The following GRIN2A variants were observed in gnomAD, a reference collection of about 807,000 sequenced individuals.
GRIN2A encodes the protein glutamate receptor ionotropic, NMDA 2A.
Under a neutral mutation model 113.4 loss-of-function variants are expected in GRIN2A, and 22 were observed. That is an observed-to-expected ratio of 0.19 (90% CI 0.14 to 0.28). The LOEUF (loss-of-function observed/expected upper bound fraction) is 0.28, where lower values mean the gene tolerates loss of function less well. Ranked by LOEUF, GRIN2A falls within the 10% of genes least tolerant of loss-of-function variation. The probability of loss-of-function intolerance (pLI) is 1.00; values close to 1 mark genes in which losing one functional copy is unlikely to be tolerated. For synonymous variants in GRIN2A, 827 were observed against 738.4 expected, an observed-to-expected ratio of 1.12 and a Z score of -1.94; for missense variants, 1,502 against 1,887.0, an observed-to-expected ratio of 0.80 and a Z score of 3.78.
intron 2 of GRIN2A, among the ~76,000 whole-genome samples, chr16:10,099,830 C>T (rs1272657416): frequency 3.3e-5 from 5 of 152,180 alleles, no homozygotes. Flanking sequence ...AACACCAGTA[C>T]TGAAACGTCT....
rs528592537 is a variant in GRIN2A at position 9,863,673 on chromosome 16, T to C, written c.1123-13712A>G. ...ACCAAGAGGAATGTCATTAATGCTC[T>C]AGCAGCTGATTGGACTTCTCCCTTG... On this transcript the variant is annotated intron_variant, in intron 4 of 12. Transcript: ENST00000330684. 3.9e-5 allele frequency among the ~76,000 whole-genome samples: 6 copies of C among 152,354 alleles called. 1 individual carries two copies. In the East Asian group the frequency reaches 7.7e-4, roughly 20 times the overall value.
intron 10 of GRIN2A, among the ~76,000 whole-genome samples, chr16:9,813,318 T>G (rs2042121878): frequency 6.6e-6 from 1 of 152,192 alleles, no homozygotes; most frequent in South Asian, 2.1e-4. Flanking sequence ...ATGAATTGTA[T>G]ATATGCGTTG....
At chr16:10,105,862 G>A (rs766324473) in intron 2 of GRIN2A, among the ~76,000 whole-genome samples, 1 of 152,206 alleles carries the variant, frequency 6.6e-6, no homozygotes. Context: ...AGCTAAGATC[G>A]TGCCACTGCA....
intron 4 of GRIN2A, among the ~76,000 whole-genome samples, chr16:9,881,747 G>A (rs1195495212): frequency 1.3e-5 from 2 of 152,154 alleles, no homozygotes; most frequent in Admixed American, 6.5e-5. Context: ...AGTGCTAGCC[G>A]TGGCCAGAAT....
chr16:9,872,095 C>CA (rs1411095059), intron 4 of GRIN2A, among the ~76,000 whole-genome samples: 2 of 152,108 alleles, frequency 1.3e-5, no homozygotes, highest in African/African-American at 4.8e-5. Context: ...TTCTGACTCA[C>CA]AAAAAGCATT....
intron 2 of GRIN2A, among the ~76,000 whole-genome samples, chr16:9,982,077 G>A (rs1376239289): frequency 2.0e-5 from 3 of 152,030 alleles, no homozygotes; most frequent in African/African-American, 2.4e-5. Context: ...TGTGAGCCCC[G>A]CAGCCAGTGT....
At chr16:9,901,926 G>A (rs2043935471) in intron 3 of GRIN2A, among the ~76,000 whole-genome samples, 2 of 152,160 alleles carry the variant, frequency 1.3e-5, no homozygotes, top group African/African-American at 2.4e-5. Context: ...AAGGATAAGG[G>A]ACTAAAATGT....
intron 2 of GRIN2A, among the ~76,000 whole-genome samples, chr16:10,073,675 C>G (rs921974416): frequency 2.0e-5 from 3 of 151,596 alleles, no homozygotes; most frequent in Non-Finnish European, 4.4e-5. Context: ...TTTTATTCAT[C>G]AAAGGGCACT....
intron 2 of GRIN2A, among the ~76,000 whole-genome samples, chr16:10,098,544 G>C (rs1416117356): frequency 6.6e-6 from 1 of 152,130 alleles, no homozygotes; most frequent in African/African-American, 2.4e-5. Context: ...CAAAAATATG[G>C]AATCAGCCCA....
At chr16:9,937,921 T>C in intron 3 of GRIN2A, 38 bp downstream of exon 3, 1 of 1,452,062 alleles carries the variant, frequency 6.9e-7, no homozygotes, top group Non-Finnish European at 9.7e-7. Context: ...ACAGCAAAAC[T>C]CTGATCCCAC....
At chr16:9,779,454 C>T (rs1321695096) in intron 11 of GRIN2A, among the ~76,000 whole-genome samples, 1 of 151,870 alleles carries the variant, frequency 6.6e-6, no homozygotes, top group East Asian at 1.9e-4. Flanking sequence ...GCTTAGTATA[C>T]ACAAGGAGCT....
At chr16:9,941,535 T>G (rs1418202450) in intron 2 of GRIN2A, among the ~76,000 whole-genome samples, 1 of 152,180 alleles carries the variant, frequency 6.6e-6, no homozygotes, top group Non-Finnish European at 1.5e-5. Context: ...CATGCCAAAC[T>G]TCAGCCCAAG....
At position 9,990,142 on chromosome 16, in the gene GRIN2A, C is replaced by T. The variant is rs182429139; in HGVS notation, c.415-51591G>A. 2.6e-5 allele frequency among the ~76,000 whole-genome samples: 4 copies of T among 152,164 alleles called. No homozygotes were observed. In the East Asian group the frequency reaches 5.8e-4, roughly 22 times the overall value. On this transcript the variant is annotated intron_variant, in intron 2 of 12. Transcript: ENST00000330684. Reference sequence around the variant, plus strand: ...ACATAGCATCAACCCACATGCCCATCAACAATGGAATGGATAAAGAAAATG... The same window carrying T: ...ACATAGCATCAACCCACATGCCCATTAACAATGGAATGGATAAAGAAAATG...
chr16:9,806,886 A>C (rs1271740675), intron 10 of GRIN2A, among the ~76,000 whole-genome samples: 1 of 152,026 alleles, frequency 6.6e-6, no homozygotes, highest in African/African-American at 2.4e-5. Flanking sequence ...TAGCTCTCAT[A>C]ATTCCCACCT....
At chr16:10,039,491 C>T (rs1394132768) in intron 2 of GRIN2A, among the ~76,000 whole-genome samples, 3 of 152,128 alleles carry the variant, frequency 2.0e-5, no homozygotes, top group East Asian at 1.9e-4. Context: ...ACGCTAAACT[C>T]TAAGTCTTTT....
chr16:10,116,353 T>G (rs1200705684), intron 2 of GRIN2A, among the ~76,000 whole-genome samples: 1 of 152,150 alleles, frequency 6.6e-6, no homozygotes, highest in Non-Finnish European at 1.5e-5. Flanking sequence ...AAATAGCTAA[T>G]GCATATGGGG....
At chr16:10,052,362 G>T (rs933354779) in intron 2 of GRIN2A, among the ~76,000 whole-genome samples, 1 of 152,230 alleles carries the variant, frequency 6.6e-6, no homozygotes, top group African/African-American at 2.4e-5. Context: ...CAGTTTTGCA[G>T]AGCTGGTGTT....
At chr16:9,910,746 C>T (rs575067679) in intron 3 of GRIN2A, among the ~76,000 whole-genome samples, 1 of 152,048 alleles carries the variant, frequency 6.6e-6, no homozygotes, top group South Asian at 2.1e-4. Flanking sequence ...CCATGTTGGC[C>T]AGTCTGGCCT....
chr16:9,943,375 G>C (rs779537072), intron 2 of GRIN2A: 2 of 152,194 alleles, frequency 1.3e-5, no homozygotes, highest in Admixed American at 6.5e-5. Flanking sequence ...GTCTGCTCTA[G>C]ACTCTGTGTT....
Sources: allele counts gnomAD v4.1 joint callset (sites outside exome capture counted in the v4.1 genomes callset), GRCh38; gene constraint gnomAD v4.1.1; transcripts MANE v1.5; gene names NCBI Gene and HGNC (gene_info 2026-07-23, HGNC 2026-07-21).